ADGRL2: variants seen among roughly 807,000 people sequenced by gnomAD.
ADGRL2 encodes the protein adhesion G protein-coupled receptor L2, also known as calcium-independent alpha-latrotoxin receptor 2.
In ADGRL2, 44 loss-of-function variants were observed where a neutral mutation model predicts 157.4. That is an observed-to-expected ratio of 0.28 (90% CI 0.22 to 0.36). The LOEUF is 0.36. Ranked by LOEUF, ADGRL2 falls within the 10% of genes least tolerant of loss-of-function variation. The pLI, the probability that ADGRL2 is intolerant of heterozygous loss-of-function variation, is 1.00. For missense variants in ADGRL2, 1,510 were observed against 1,768.9 expected, an observed-to-expected ratio of 0.85 and a Z score of 2.63; for synonymous variants, 585 against 624.7, an observed-to-expected ratio of 0.94 and a Z score of 0.95.
At chr1:81,731,515 G>A (rs924502707) in intron 1 of ADGRL2, among the ~76,000 whole-genome samples, 1 of 147,346 alleles carries the variant, frequency 6.8e-6, no homozygotes, top group Non-Finnish European at 1.5e-5. Context: ...TTTTTTTTTT[G>A]CAGCATATAT....
At chr1:81,435,942 C>T (rs1442121530) in intron 1 of ADGRL2, among the ~76,000 whole-genome samples, 1 of 151,836 alleles carries the variant, frequency 6.6e-6, no homozygotes, top group Non-Finnish European at 1.5e-5. Context: ...ACTAAAAATA[C>T]AAAATTAGCC....
At chr1:81,705,122 G>A (rs1486568491) in intron 1 of ADGRL2, among the ~76,000 whole-genome samples, 3 of 152,076 alleles carry the variant, frequency 2.0e-5, no homozygotes, top group East Asian at 1.9e-4. Context: ...GTGCAATCTC[G>A]GCTCACTGCA....
intron 1 of ADGRL2, among the ~76,000 whole-genome samples, chr1:81,395,644 T>C (rs996818868): frequency 2.0e-5 from 3 of 152,212 alleles, no homozygotes; most frequent in Non-Finnish European, 4.4e-5. Flanking sequence ...TGGTTTCCCT[T>C]ATGTTTTCCT....
intron 3 of ADGRL2, among the ~76,000 whole-genome samples, chr1:81,629,335 C>T (rs965862576): frequency 3.9e-5 from 6 of 152,038 alleles, no homozygotes; most frequent in Admixed American, 3.9e-4. Context: ...AAGGTATTAA[C>T]AAAAACATCC....
chr1:81,851,640 A>T (rs1456236049), intron 2 of ADGRL2, among the ~76,000 whole-genome samples: 2 of 151,408 alleles, frequency 1.3e-5, no homozygotes, highest in African/African-American at 4.8e-5. Flanking sequence ...CTTTTTCTTA[A>T]TTACTTTACT....
intron 17 of ADGRL2, among the ~76,000 whole-genome samples, chr1:81,978,105 C>T (rs900452949): frequency 4.0e-5 from 6 of 150,952 alleles, no homozygotes; most frequent in Non-Finnish European, 4.4e-5. Flanking sequence ...TTAATTTTTG[C>T]CTTTAAAAAA....
At chr1:81,494,722 T>A (rs1390796758) in intron 2 of ADGRL2, among the ~76,000 whole-genome samples, 1 of 152,142 alleles carries the variant, frequency 6.6e-6, no homozygotes, top group Non-Finnish European at 1.5e-5. Context: ...ATTCTCTCTC[T>A]TTACAATTTT....
At chr1:81,557,526 A>G (rs1012150867) in intron 2 of ADGRL2, 2 of 120,554 alleles carry the variant, frequency 1.7e-5, no homozygotes, top group Non-Finnish European at 3.8e-5. Context: ...AGAAAGAAAG[A>G]GAAGAAAGAA....
intron 1 of ADGRL2, among the ~76,000 whole-genome samples, chr1:81,326,514 A>G (rs1660912139): frequency 6.6e-6 from 1 of 152,206 alleles, no homozygotes; most frequent in South Asian, 2.1e-4. Context: ...ATTCTTCATG[A>G]TCTTTAACAA....
Position 81,848,354 on chromosome 1 carries a change from C to T in ADGRL2, c.73+11297C>T, listed in dbSNP as rs183444008. 7.0e-4 allele frequency among the ~76,000 whole-genome samples: 107 copies of T among 151,788 alleles called. 1 individual carries two copies. The highest frequency in any genetic ancestry group is 2.5e-3 in the African/African-American group (102 of 41,452). On this transcript the variant is annotated intron_variant, in intron 2 of 23. Transcript: ENST00000686636. ...TTAAAGAATTTTGGACTTTGAATCA[C>T]AGCTTGGATATTAGTAGTGTAGAAT...
At chr1:81,352,673 G>C (rs999840740) in intron 1 of ADGRL2, among the ~76,000 whole-genome samples, 1 of 152,154 alleles carries the variant, frequency 6.6e-6, no homozygotes, top group African/African-American at 2.4e-5. Flanking sequence ...GAGGAAAGTG[G>C]TTTTTAAACC....
chr1:81,785,941 T>G (rs1286388602), intron 2 of ADGRL2, among the ~76,000 whole-genome samples: 1 of 151,062 alleles, frequency 6.6e-6, no homozygotes, highest in Admixed American at 6.6e-5. Flanking sequence ...ACTCTGTCTC[T>G]ACAGAAAAAA....
At chr1:81,681,067 C>T (rs543642112) in intron 3 of ADGRL2, among the ~76,000 whole-genome samples, 38 of 152,280 alleles carry the variant, frequency 2.5e-4, no homozygotes, top group Non-Finnish European at 4.7e-4. Context: ...GCCCTTTGGC[C>T]TATAGAACAG....
chr1:81,319,926 T>C (rs1252207382), intron 1 of ADGRL2, among the ~76,000 whole-genome samples: 1 of 152,344 alleles, frequency 6.6e-6, no homozygotes, highest in Non-Finnish European at 1.5e-5. Flanking sequence ...GTTTGTTGCA[T>C]TGATTGACTT....
intron 2 of ADGRL2, among the ~76,000 whole-genome samples, chr1:81,873,438 G>A (rs929513941): frequency 2.0e-5 from 3 of 152,084 alleles, no homozygotes; most frequent in African/African-American, 7.2e-5. Flanking sequence ...TGCTTTGACA[G>A]TAAAGAGGTA....
chr1:81,664,586 T>C (rs1367137307), intron 3 of ADGRL2, among the ~76,000 whole-genome samples: 1 of 152,174 alleles, frequency 6.6e-6, no homozygotes, highest in Non-Finnish European at 1.5e-5. Context: ...AGGCACAGAT[T>C]CAAGAAATTT....
At chr1:81,391,622 C>T (rs917658028) in intron 1 of ADGRL2, among the ~76,000 whole-genome samples, 7 of 32,230 alleles carry the variant, frequency 2.2e-4, no homozygotes, top group African/African-American at 9.7e-4. Context: ...CTTTAGGTGC[C>T]CTTTGAACAC....
At chr1:81,417,630 T>C (rs528555872) in intron 1 of ADGRL2, among the ~76,000 whole-genome samples, 26 of 152,332 alleles carry the variant, frequency 1.7e-4, no homozygotes, top group African/African-American at 4.6e-4. Flanking sequence ...GAAAATATAT[T>C]ACTAGGCTCT....
chr1:81,949,710 T>A (rs145565388), intron 6 of ADGRL2, among the ~76,000 whole-genome samples: 242 of 152,348 alleles, frequency 1.6e-3, no homozygotes, highest in African/African-American at 5.3e-3. Flanking sequence ...CAGTATTTAT[T>A]TTCTTGCAAT....
Sources: gnomAD v4.1 joint callset for allele counts (sites outside exome capture counted in the v4.1 genomes callset) on GRCh38, gnomAD v4.1.1 for gene constraint, MANE v1.5 for transcripts, NCBI Gene and HGNC (gene_info 2026-07-23, HGNC 2026-07-21) for gene names.